RAB28: variants seen among roughly 807,000 people sequenced by gnomAD.
RAB28 encodes the protein ras-related protein Rab-28.
In RAB28, 24 loss-of-function variants were observed where a neutral mutation model predicts 31.7. The observed-to-expected ratio is 0.76, with a 90% CI of 0.55 to 1.06. The LOEUF (loss-of-function observed/expected upper bound fraction) is 1.06, where lower values mean the gene tolerates loss of function less well. Among genes scored for constraint, RAB28 ranks in the 50% least tolerant of loss-of-function variants. The pLI is 0.00. For synonymous variants in RAB28, 100 were observed against 90.4 expected, an observed-to-expected ratio of 1.11 and a Z score of -0.60; for missense variants, 254 against 258.5, an observed-to-expected ratio of 0.98 and a Z score of 0.12.
At chr4:13,431,157 A>G (rs1560290432) in intron 4 of RAB28, among the ~76,000 whole-genome samples, 1 of 152,232 alleles carries the variant, frequency 6.6e-6, no homozygotes, top group East Asian at 1.9e-4. Flanking sequence ...AACAGAGGAC[A>G]GAACACAGAG....
chr4:13,474,021 T>C lies in RAB28; in HGVS notation c.261+297A>G. On this transcript the variant is annotated intron_variant, in intron 3 of 6. Transcript: ENST00000330852. ...CAGTCACTATAACAAAACCAGCTAATACATATCAAAATATCATTTATCACT... is the reference window on the plus strand; with the variant it reads ...CAGTCACTATAACAAAACCAGCTAACACATATCAAAATATCATTTATCACT... 1.1e-5 allele frequency: 5 copies of C among 471,972 alleles called. 1 individual carries two copies. Among genetic ancestry groups the C allele is most frequent in the South Asian group, 8.6e-5 (5 of 58,442 alleles). 29.2% of individuals were successfully genotyped at this position (471,972 alleles called of 1,614,324 possible). A position where few individuals can be genotyped will look rare whatever the true frequency, so the allele number is the denominator to read the frequency against.
At chr4:13,394,320 C>T (rs1415251098) in intron 4 of RAB28, among the ~76,000 whole-genome samples, 1 of 152,158 alleles carries the variant, frequency 6.6e-6, no homozygotes, top group Non-Finnish European at 1.5e-5. Context: ...CATCTCAGAT[C>T]ATCAGGCATT....
intron 4 of RAB28, among the ~76,000 whole-genome samples, chr4:13,392,165 C>T (rs1002733268): frequency 6.6e-6 from 1 of 152,122 alleles, no homozygotes; most frequent in African/African-American, 2.4e-5. Context: ...GGAACACTAA[C>T]TCTCTAAATT....
At chr4:13,383,800 G>C (rs1729241073) in intron 4 of RAB28, among the ~76,000 whole-genome samples, 1 of 152,226 alleles carries the variant, frequency 6.6e-6, no homozygotes, top group Non-Finnish European at 1.5e-5. Context: ...TGTAAGGCGT[G>C]CCTGTGCTCC....
intron 4 of RAB28, among the ~76,000 whole-genome samples, chr4:13,448,460 T>C (rs1389833942): frequency 6.6e-6 from 1 of 151,994 alleles, no homozygotes; most frequent in East Asian, 1.9e-4. Flanking sequence ...AATGAAAACA[T>C]AACCACAAAA....
chr4:13,476,085 T>C (rs941961886), intron 2 of RAB28, among the ~76,000 whole-genome samples: 2 of 151,566 alleles, frequency 1.3e-5, no homozygotes, highest in Non-Finnish European at 3.0e-5. Context: ...ATCCCATTTT[T>C]CTCAGAGCCA....
intron 4 of RAB28, among the ~76,000 whole-genome samples, chr4:13,384,775 T>C (rs1423292960): frequency 6.6e-6 from 1 of 152,112 alleles, no homozygotes; most frequent in Non-Finnish European, 1.5e-5. Context: ...AGAATGAACA[T>C]AAGAACTCTA....
At chr4:13,428,184 G>A (rs922401316) in intron 4 of RAB28, among the ~76,000 whole-genome samples, 11 of 152,350 alleles carry the variant, frequency 7.2e-5, no homozygotes, top group Non-Finnish European at 1.3e-4. Flanking sequence ...AGGGCGCGCC[G>A]CCGGGCTGTC....
intron 4 of RAB28, among the ~76,000 whole-genome samples, chr4:13,435,032 A>AAAG (rs1714019997): frequency 6.7e-6 from 1 of 150,092 alleles, no homozygotes; most frequent in African/African-American, 2.5e-5. Flanking sequence ...AAAAAAAAAA[A>AAAG]AAAGAAAAGA....
intron 4 of RAB28, chr4:13,459,819 T>C: frequency 8.0e-7 from 1 of 1,247,338 alleles, no homozygotes; most frequent in South Asian, 1.3e-5. Context: ...GATCATTCAA[T>C]GAAATGCATC....
intron 4 of RAB28, among the ~76,000 whole-genome samples, chr4:13,392,380 C>A (rs1729677912): frequency 6.6e-6 from 1 of 152,066 alleles, no homozygotes; most frequent in Non-Finnish European, 1.5e-5. Context: ...CAAGAGATGA[C>A]CTCTGTTATT....
At chr4:13,483,991 G>C (rs1466100498) in intron 1 of RAB28, 85 bp downstream of exon 1, 3 of 1,318,124 alleles carry the variant, frequency 2.3e-6, no homozygotes, top group Non-Finnish European at 3.2e-6. Flanking sequence ...TCGGGGTAAC[G>C]AGGCGACGCC....
chr4:13,434,402 C>T (rs1713979700), intron 4 of RAB28, among the ~76,000 whole-genome samples: 1 of 152,122 alleles, frequency 6.6e-6, no homozygotes, highest in African/African-American at 2.4e-5. Context: ...CATATGCACC[C>T]AACATAGAAG....
chr4:13,467,878 G>A lies in RAB28; in HGVS notation c.261+6440C>T, dbSNP rs182279185. The stretch of plus-strand genomic sequence containing the variant: ...CAAGACTTGACTGTATATTGCCTAC[G>A]GAAAACTGACCTTACATATAAAGAC... On this transcript the variant is annotated intron_variant, in intron 3 of 6. Coordinates refer to ENST00000330852, the MANE Select transcript of RAB28 (RefSeq NM_001017979.3). Among the ~76,000 whole-genome samples, 117 of 151,896 alleles carry A rather than the reference G, an allele frequency of 7.7e-4. 1 individual carries two copies. The highest frequency in any genetic ancestry group is 2.5e-3 in the African/African-American group (105 of 41,478).
chr4:13,368,220 C>T lies in RAB28; in HGVS notation c.*338G>A, dbSNP rs1025629359. Reference sequence around the variant, plus strand: ...GCAAAATCCTGGCTGATGATCAAGACTTGGAGAGTTTTCATATTAAGTTAA... The same window carrying T: ...GCAAAATCCTGGCTGATGATCAAGATTTGGAGAGTTTTCATATTAAGTTAA... On this transcript the variant is annotated 3_prime_UTR_variant, in exon 7 of 7. Transcript: ENST00000330852. The T allele has an allele frequency of 5.0e-6, 5 of 998,268 alleles. No homozygotes were observed. In the African/African-American group the frequency reaches 8.7e-5, roughly 17 times the overall value. The allele number at this position is 998,268 out of a possible 1,614,324, so 61.8% of individuals were successfully genotyped here. A position where few individuals can be genotyped will look rare whatever the true frequency, so the allele number is the denominator to read the frequency against.
intron 4 of RAB28, among the ~76,000 whole-genome samples, chr4:13,388,515 G>A (rs1333762641): frequency 1.3e-5 from 2 of 151,864 alleles, no homozygotes; most frequent in African/African-American, 2.4e-5. Flanking sequence ...AATAACAGAC[G>A]AACAGGGCCA....
At chr4:13,447,562 C>T (rs773290631) in intron 4 of RAB28, among the ~76,000 whole-genome samples, 25 of 152,242 alleles carry the variant, frequency 1.6e-4, no homozygotes, top group Non-Finnish European at 2.6e-4. Context: ...AAAACAATGT[C>T]ACATAAAGTG....
At chr4:13,395,632 G>T (rs1729844467) in intron 4 of RAB28, among the ~76,000 whole-genome samples, 3 of 151,088 alleles carry the variant, frequency 2.0e-5, no homozygotes, top group African/African-American at 7.4e-5. Flanking sequence ...GATAACAAGG[G>T]AGAGAACGAA....
chr4:13,378,760 C>T (rs962990293), intron 5 of RAB28, among the ~76,000 whole-genome samples: 2 of 152,018 alleles, frequency 1.3e-5, no homozygotes, highest in Admixed American at 1.3e-4. Flanking sequence ...GATATGAGAA[C>T]AGATGGGGTA....
Sources: gnomAD v4.1 joint callset for allele counts (sites outside exome capture counted in the v4.1 genomes callset) on GRCh38, gnomAD v4.1.1 for gene constraint, MANE v1.5 for transcripts, NCBI Gene and HGNC (gene_info 2026-07-23, HGNC 2026-07-21) for gene names.